Variants in UTRN observed in about 807,000 individuals in gnomAD.
UTRN encodes the protein utrophin.
A neutral mutation model predicts 463.9 loss-of-function variants in UTRN; 283 were observed. That is an observed-to-expected ratio of 0.61 (90% CI 0.55 to 0.67). UTRN has a LOEUF of 0.67. Ranked by LOEUF, UTRN falls within the 30% of genes least tolerant of loss-of-function variation. The pLI is 0.00. For missense variants in UTRN, 3,922 were observed against 4,084.3 expected (o/e 0.96, Z 1.08); for synonymous variants, 1,442 against 1,431.5 (o/e 1.01, Z -0.17).
intron 41 of UTRN, among the ~76,000 whole-genome samples, chr6:144,524,603 G>A (rs1022211688): frequency 6.6e-6 from 1 of 152,074 alleles, no homozygotes; most frequent in East Asian, 1.9e-4. Context: ...AGTCTTTAGG[G>A]TTTTCTAGGT....
chr6:144,667,627 C>T (rs1007422012), intron 51 of UTRN, among the ~76,000 whole-genome samples: 2 of 152,188 alleles, frequency 1.3e-5, no homozygotes, highest in Non-Finnish European at 2.9e-5. Flanking sequence ...ACTATCTGCA[C>T]ACCTTTAAAT....
In UTRN at chr6:144,607,715, C is replaced by A. The variant is rs1031993348; in HGVS notation, c.7479+30427C>A. 5.3e-5 allele frequency among the ~76,000 whole-genome samples: 8 copies of A among 152,148 alleles called. No homozygotes were observed. In the South Asian group the frequency reaches 1.7e-3, roughly 32 times the overall value. The stretch of plus-strand genomic sequence containing the variant: ...AATTCACCAAAAACTTCTGTATAAA[C>A]TACAGTACATTTTTTCATTATTTTG... On this transcript the variant is annotated intron_variant, in intron 51 of 74. Coordinates refer to ENST00000367545, the MANE Select transcript of UTRN (RefSeq NM_007124.3).
intron 53 of UTRN, among the ~76,000 whole-genome samples, chr6:144,702,469 A>G (rs1271915425): frequency 6.6e-6 from 1 of 152,238 alleles, no homozygotes; most frequent in Non-Finnish European, 1.5e-5. Context: ...CTGGTGACTC[A>G]ATAATGAACA....
At chr6:144,440,576 G>C in intron 13 of UTRN, 105 bp downstream of exon 13, 1 of 1,510,010 alleles carries the variant, frequency 6.6e-7, no homozygotes, top group Non-Finnish European at 9.0e-7. Context: ...TATCCAGAAG[G>C]GTAGAAAAAC....
chr6:144,684,442 T>G (rs1782539046), intron 52 of UTRN, among the ~76,000 whole-genome samples: 1 of 152,206 alleles, frequency 6.6e-6, no homozygotes, highest in African/African-American at 2.4e-5. Flanking sequence ...TTTCCAAGTT[T>G]CTTTTTACTT....
At chr6:144,630,945 C>T (rs1238654528) in intron 51 of UTRN, among the ~76,000 whole-genome samples, 1 of 152,022 alleles carries the variant, frequency 6.6e-6, no homozygotes, top group African/African-American at 2.4e-5. Context: ...AAAGAAGATA[C>T]TTTTATTATT....
chr6:144,644,759 G>A (rs765083329), intron 51 of UTRN, among the ~76,000 whole-genome samples: 2 of 152,186 alleles, frequency 1.3e-5, no homozygotes, highest in Non-Finnish European at 2.9e-5. Context: ...AGAGTTGCCA[G>A]TACCAAAATG....
At chr6:144,744,270 G>C (rs551118283) in intron 54 of UTRN, among the ~76,000 whole-genome samples, 2 of 147,470 alleles carry the variant, frequency 1.4e-5, no homozygotes, top group African/African-American at 4.9e-5. Context: ...TGGGGCAACA[G>C]AGCAAGACCC....
At chr6:144,371,149 C>CT (rs1023653422) in intron 2 of UTRN, among the ~76,000 whole-genome samples, 6 of 152,146 alleles carry the variant, frequency 3.9e-5, no homozygotes, top group African/African-American at 7.2e-5. Context: ...TCCCCACTGA[C>CT]TTTTTTTGTT....
chr6:144,410,796 ATGTG>A (rs112535909), intron 3 of UTRN, among the ~76,000 whole-genome samples: 2 of 141,276 alleles, frequency 1.4e-5, no homozygotes, highest in South Asian at 2.2e-4. Flanking sequence ...TGGTGTGTAT[ATGTG>A]TGTGTGTGTG....
intron 1 of UTRN, among the ~76,000 whole-genome samples, chr6:144,287,590 A>G (rs1320514191): frequency 2.6e-5 from 4 of 152,260 alleles, no homozygotes; most frequent in African/African-American, 9.6e-5. Context: ...TACAAAATAA[A>G]AATTATATAC....
chr6:144,835,859 G>T lies in UTRN; in HGVS notation c.9745G>T (p.Ala3249Ser). The T allele has an allele frequency of 6.2e-7, 1 of 1,614,140 alleles. No homozygotes were observed. The highest frequency in any genetic ancestry group is 8.5e-7 in the Non-Finnish European group (1 of 1,179,992). The stretch of plus-strand genomic sequence containing the variant: ...CCCAGTGAGCCAGCCGCAGAGCCCA[G>T]CTCAGATCCTGAAGTCAGTAGAGAG... ...ESPVSQPQSP[A>S]QILKSVEREE... is the part of the protein sequence containing the mutation. The change falls in exon 70 of 75, where the codon GCT (alanine) becomes TCT (serine). Residue 3249 changes from alanine (A) to serine (S), a missense_variant. Physicochemically the swap from Ala to Ser is moderately conservative, Grantham distance 99. This residue lies in a region of UTRN where 1,309 missense variants were observed against 1,452.6 expected (regional missense o/e 0.90). Transcript: ENST00000367545.
chr6:144,764,735 T>C (rs1793081713), intron 58 of UTRN, among the ~76,000 whole-genome samples: 1 of 152,106 alleles, frequency 6.6e-6, no homozygotes, highest in Non-Finnish European at 1.5e-5. Flanking sequence ...AATAATACAG[T>C]AAAAGATTTC....
At chr6:144,673,861 T>G (rs1053649622) in intron 51 of UTRN, among the ~76,000 whole-genome samples, 1 of 152,138 alleles carries the variant, frequency 6.6e-6, no homozygotes, top group Non-Finnish European at 1.5e-5. Context: ...CTCTCAGCAT[T>G]TATTCATCTG....
intron 43 of UTRN, among the ~76,000 whole-genome samples, chr6:144,535,380 C>T (rs562172183): frequency 6.6e-6 from 1 of 152,292 alleles, no homozygotes; most frequent in African/African-American, 2.4e-5. Flanking sequence ...CTGAGCCTAT[C>T]CTCTCTTATA....
At chr6:144,466,129 C>T (rs1257338946) in intron 23 of UTRN, among the ~76,000 whole-genome samples, 1 of 152,160 alleles carries the variant, frequency 6.6e-6, no homozygotes, top group Non-Finnish European at 1.5e-5. Flanking sequence ...TTCCCCCACA[C>T]TGTGGAAAGA....
intron 51 of UTRN, among the ~76,000 whole-genome samples, chr6:144,622,846 G>A (rs1775574031): frequency 6.6e-6 from 1 of 152,192 alleles, no homozygotes; most frequent in South Asian, 2.1e-4. Context: ...TCTCGTATTG[G>A]ACAATGATTG....
rs563444440 is a variant in UTRN, at chr6:144,783,447, T to A, written c.8834+1324T>A. On this transcript the variant is annotated intron_variant, in intron 61 of 74. Transcript: ENST00000367545. ...TGGATTTTTTTTCTATTCCTTTTAG[T>A]TTACATGTAATAACTGTACATATTT... is the stretch of plus-strand genomic sequence containing the variant. 1.2e-4 allele frequency among the ~76,000 whole-genome samples: 19 copies of A among 152,302 alleles called. No homozygotes were observed. The South Asian group carries it at 1.9e-3, about 15-fold the overall frequency.
intron 50 of UTRN, among the ~76,000 whole-genome samples, chr6:144,571,520 A>G (rs931167770): frequency 2.6e-5 from 4 of 152,096 alleles, no homozygotes; most frequent in African/African-American, 4.8e-5. Flanking sequence ...TCATCTTTCA[A>G]TTCTTTAGTA....
Sources: gnomAD v4.1 joint callset for allele counts (sites outside exome capture counted in the v4.1 genomes callset) on GRCh38, gnomAD v4.1.1 for gene constraint, gnomAD v4.1.1 regional missense constraint, MANE v1.5 for transcripts, NCBI Gene and HGNC (gene_info 2026-07-23, HGNC 2026-07-21) for gene names.